ZC2HC1A: variants seen among roughly 807,000 people sequenced by gnomAD.
The protein encoded by ZC2HC1A is zinc finger C2HC domain-containing protein 1A.
ZC2HC1A carries 28 observed loss-of-function variants against 40.7 expected under a neutral mutation model. The ratio of observed to expected loss-of-function variants is 0.69; its 90% CI spans 0.51 to 0.94. The LOEUF is 0.94. Ranked by LOEUF, ZC2HC1A falls within the 40% of genes least tolerant of loss-of-function variation. The pLI is 0.00. For synonymous variants in ZC2HC1A, 129 were observed against 129.2 expected, an observed-to-expected ratio of 1.00 and a Z score of 0.01; for missense variants, 389 against 386.3, an observed-to-expected ratio of 1.01 and a Z score of -0.06.
chr8:78,678,808 C>G lies in ZC2HC1A; in HGVS notation c.210+129C>G, dbSNP rs565332536. ...CTACATTAAGATTAAAGAATAAATA[C>G]AATTCTGTGTTATATGTTCAGTTTA... On this transcript the variant is annotated intron_variant, in intron 3 of 8. Transcript: ENST00000263849. 200 of 542,846 alleles carry G rather than the reference C, an allele frequency of 3.7e-4. No homozygotes were observed. The African/African-American group carries it at 3.9e-3, about 11-fold the overall frequency. The allele number at this position is 542,846 out of a possible 1,614,324, so 33.6% of individuals were successfully genotyped here.
chr8:78,680,191 T>C (rs9298316), intron 3 of ZC2HC1A, among the ~76,000 whole-genome samples: 103,967 of 150,654 alleles, frequency 0.69, 36,499 homozygotes, highest in East Asian at 0.91. Flanking sequence ...GTTTCTTTTA[T>C]AAGGAATTGG....
intron 1 of ZC2HC1A, 148 bp from the exon 2 acceptor site, chr8:78,675,639 A>C (rs563327573): frequency 1.5e-6 from 1 of 649,542 alleles, no homozygotes; most frequent in Non-Finnish European, 2.6e-6. Context: ...GCTCCTTTTC[A>C]TAGATAATTT....
chr8:78,712,171 G>A (rs1344849717), intron 7 of ZC2HC1A: 1 of 948,600 alleles, frequency 1.1e-6, no homozygotes, highest in Middle Eastern at 2.7e-4. Flanking sequence ...TTTATATAAT[G>A]GAATAACATA....
intron 7 of ZC2HC1A, chr8:78,711,946 C>A (rs1163037647): frequency 8.6e-7 from 1 of 1,166,628 alleles, no homozygotes; most frequent in Non-Finnish European, 1.1e-6. Flanking sequence ...TATAAAGAAG[C>A]AGTAGCAATC....
At chr8:78,696,916 T>G (rs937329370) in intron 5 of ZC2HC1A, among the ~76,000 whole-genome samples, 1 of 152,200 alleles carries the variant, frequency 6.6e-6, no homozygotes, top group African/African-American at 2.4e-5. Flanking sequence ...CTACTAATGT[T>G]TGTTTGGTGT....
At chr8:78,679,143 A>G (rs982164569) in intron 3 of ZC2HC1A, 13 of 152,268 alleles carry the variant, frequency 8.5e-5, no homozygotes, top group African/African-American at 3.1e-4. Context: ...AGGATTTGTA[A>G]TCTATATTAT....
intron 1 of ZC2HC1A, among the ~76,000 whole-genome samples, chr8:78,672,796 A>G (rs1033530253): frequency 7.2e-5 from 11 of 152,182 alleles, no homozygotes; most frequent in Non-Finnish European, 1.2e-4. Context: ...ACTTCAAATT[A>G]CAGTAAGAAA....
intron 2 of ZC2HC1A, 111 bp from the exon 3 acceptor site, chr8:78,678,452 G>C (rs1809656095): frequency 1.3e-6 from 1 of 744,132 alleles, no homozygotes; most frequent in African/African-American, 1.8e-5. Flanking sequence ...TTTGTATTCA[G>C]GTTTTTCATT....
rs971233338 is a variant in ZC2HC1A, at chr8:78,703,352, C to G, written c.704+4839C>G. On this transcript the variant is annotated intron_variant, in intron 7 of 8. Transcript: ENST00000263849. Reference sequence around the variant, plus strand: ...TTTGTTAATTATCTGTCTTGATAATCTGTCTAATATTGTCAGTGAGGTGTT... The same window carrying G: ...TTTGTTAATTATCTGTCTTGATAATGTGTCTAATATTGTCAGTGAGGTGTT... Among the ~76,000 whole-genome samples the G allele has an allele frequency of 5.3e-5, 8 of 152,114 alleles. No homozygotes were observed. The South Asian group carries it at 1.7e-3, about 32-fold the overall frequency.
At chr8:78,675,453 A>C (rs1356836104) in intron 1 of ZC2HC1A, among the ~76,000 whole-genome samples, 1 of 152,008 alleles carries the variant, frequency 6.6e-6, no homozygotes, top group Non-Finnish European at 1.5e-5. Context: ...TTGTTCTTAA[A>C]ATGTAGTAAT....
At chr8:78,687,636 A>ATATATATCTTTACGTAATACAT (rs1563626734) in intron 4 of ZC2HC1A, among the ~76,000 whole-genome samples, 1 of 129,986 alleles carries the variant, frequency 7.7e-6, no homozygotes, top group East Asian at 2.2e-4. Context: ...GTAATACATT[A>ATATATATCTTTACGTAATACAT]TATATATATT....
chr8:78,683,396 C>G (rs1809853854), intron 3 of ZC2HC1A, among the ~76,000 whole-genome samples: 1 of 152,268 alleles, frequency 6.6e-6, no homozygotes. Flanking sequence ...CTCTTGATTT[C>G]TGTGCACCTG....
intron 5 of ZC2HC1A, among the ~76,000 whole-genome samples, chr8:78,692,646 A>G (rs1232345418): frequency 3.3e-5 from 5 of 152,108 alleles, no homozygotes; most frequent in Admixed American, 6.5e-5. Flanking sequence ...AGTGGTTTCC[A>G]GTAATCTTTT....
chr8:78,717,318 A>G lies in ZC2HC1A; in HGVS notation c.813-10A>G, dbSNP rs747162119. 1.3e-6 allele frequency: 2 copies of G among 1,598,818 alleles called. No individual in the cohort carries two copies. Among genetic ancestry groups the G allele is most frequent in the Non-Finnish European group, 1.7e-6 (2 of 1,174,964 alleles). ...AACTTTATCTTTTCATTGTTTCTTT[A>G]CTTTTTTAGGCCAGATGGGGACTGT... On this transcript the variant is annotated splice_polypyrimidine_tract_variant and intron_variant, in intron 8 of 8. Transcript: ENST00000263849.
intron 5 of ZC2HC1A, among the ~76,000 whole-genome samples, chr8:78,690,115 G>A (rs1810158576): frequency 1.3e-5 from 2 of 152,190 alleles, no homozygotes; most frequent in South Asian, 4.1e-4. Flanking sequence ...GAATATAAAT[G>A]TATGGGTTTA....
Position 78,686,643 on chromosome 8 carries a change from G to A in ZC2HC1A, c.352+35G>A, listed in dbSNP as rs544378385. ...ATATTGTTGACAGAAATGTTCATGTGGAAAGAAAATAATGATAGAGTTTTT... is the reference window on the plus strand; with the variant it reads ...ATATTGTTGACAGAAATGTTCATGTAGAAAGAAAATAATGATAGAGTTTTT... On this transcript the variant is annotated intron_variant, in intron 4 of 8. Coordinates refer to ENST00000263849, the MANE Select transcript of ZC2HC1A (RefSeq NM_016010.3). 8 of 1,426,370 alleles carry A rather than the reference G, an allele frequency of 5.6e-6. 1 individual carries two copies. In the South Asian group the frequency reaches 1.4e-4, roughly 25 times the overall value. The allele number at this position is 1,426,370 out of a possible 1,614,324, so 88.4% of individuals were successfully genotyped here. A position where few individuals can be genotyped will look rare whatever the true frequency, so the allele number is the denominator to read the frequency against.
At chr8:78,690,642 A>G (rs563637236) in intron 5 of ZC2HC1A, among the ~76,000 whole-genome samples, 7 of 152,296 alleles carry the variant, frequency 4.6e-5, no homozygotes, top group East Asian at 1.9e-4. Flanking sequence ...TCTACAAAAA[A>G]TGACTTCTAG....
intron 1 of ZC2HC1A, 101 bp downstream of exon 1, chr8:78,666,265 G>A: frequency 6.6e-7 from 1 of 1,520,438 alleles, no homozygotes; most frequent in Non-Finnish European, 8.9e-7. Flanking sequence ...GGTTCGGTGC[G>A]GCGGACCTCG....
At chr8:78,679,264 A>G (rs1039437790) in intron 3 of ZC2HC1A, 2 of 152,078 alleles carry the variant, frequency 1.3e-5, no homozygotes, top group Non-Finnish European at 2.9e-5. Flanking sequence ...TCTCTCCTTA[A>G]TATCTGTTAT....
Sources: gnomAD v4.1 joint callset for allele counts (sites outside exome capture counted in the v4.1 genomes callset) on GRCh38, gnomAD v4.1.1 for gene constraint, MANE v1.5 for transcripts, NCBI Gene and HGNC (gene_info 2026-07-23, HGNC 2026-07-21) for gene names.